MRTFA: variants seen among roughly 807,000 people sequenced by gnomAD.
The protein encoded by MRTFA is myocardin-related transcription factor A.
In MRTFA, 20 loss-of-function variants were observed where a neutral mutation model predicts 83.5. The ratio of observed to expected loss-of-function variants is 0.24; its 90% confidence interval spans 0.17 to 0.35. MRTFA has a LOEUF of 0.35. Ranked by LOEUF, MRTFA falls within the 10% of genes least tolerant of loss-of-function variation. The pLI, the probability that MRTFA is intolerant of heterozygous loss-of-function variation, is 1.00. For missense variants in MRTFA, 1,200 were observed against 1,224.7 expected (o/e 0.98, Z 0.30); for synonymous variants, 659 against 541.2 (o/e 1.22, Z -3.02).
At chr22:40,558,877 C>T (rs2055572241) in intron 2 of MRTFA, among the ~76,000 whole-genome samples, 1 of 151,528 alleles carries the variant, frequency 6.6e-6, no homozygotes, top group Non-Finnish European at 1.5e-5. Flanking sequence ...CCTCTGCCTC[C>T]TAGGTTCAAG....
At chr22:40,447,761 C>G (rs935182788) in intron 4 of MRTFA, among the ~76,000 whole-genome samples, 2 of 152,212 alleles carry the variant, frequency 1.3e-5, no homozygotes, top group African/African-American at 4.8e-5. Flanking sequence ...CTATTTTCCA[C>G]ATTTTACAGT....
intron 3 of MRTFA, among the ~76,000 whole-genome samples, chr22:40,546,705 G>A (rs972819077): frequency 6.6e-6 from 1 of 152,188 alleles, no homozygotes; most frequent in Non-Finnish European, 1.5e-5. Context: ...AAAGATTTCA[G>A]TTAATTTATA....
Position 40,434,619 on chromosome 22 carries a change from G to A in MRTFA, c.363+880C>T, listed in dbSNP as rs146286721. Reference sequence around the variant, plus strand: ...AGCCTGTAGGTCCAGTTACTTGGGAGGCTGAGGCAGGAGAATCGCTTGAAT... The same window carrying A: ...AGCCTGTAGGTCCAGTTACTTGGGAAGCTGAGGCAGGAGAATCGCTTGAAT... On this transcript the variant is annotated intron_variant, in intron 5 of 14. Coordinates refer to ENST00000355630, the MANE Select transcript of MRTFA (RefSeq NM_020831.6). Among the ~76,000 whole-genome samples, 899 of 152,292 alleles carry A rather than the reference G, an allele frequency of 5.9e-3. 9 individuals are homozygous for A. Among genetic ancestry groups the A allele is most frequent in the African/African-American group, 0.021 (862 of 41,552 alleles).
chr22:40,570,833 A>T, intron 2 of MRTFA, among the ~76,000 whole-genome samples: 1 of 151,754 alleles, frequency 6.6e-6, no homozygotes, highest in African/African-American at 2.4e-5. Flanking sequence ...ATAGACTTAT[A>T]TCATTTTTAA....
At chr22:40,535,236 G>C (rs1053783990) in intron 3 of MRTFA, among the ~76,000 whole-genome samples, 4 of 152,006 alleles carry the variant, frequency 2.6e-5, no homozygotes, top group Non-Finnish European at 5.9e-5. Context: ...CTACATGACA[G>C]TCTGGTCAAA....
chr22:40,548,358 C>CAA (rs10664022), intron 3 of MRTFA, among the ~76,000 whole-genome samples: 1,922 of 66,024 alleles, frequency 0.029, 148 homozygotes, highest in Middle Eastern at 0.046. Context: ...GACTCCGTCT[C>CAA]AAAAAAAAAA....
At chr22:40,441,427 G>A (rs1353672630) in intron 4 of MRTFA, among the ~76,000 whole-genome samples, 2 of 152,152 alleles carry the variant, frequency 1.3e-5, no homozygotes, top group Non-Finnish European at 2.9e-5. Flanking sequence ...TAAATTAAAT[G>A]AGGTCATTTG....
chr22:40,556,616 GT>G (rs1364590589), intron 2 of MRTFA, among the ~76,000 whole-genome samples: 4 of 152,130 alleles, frequency 2.6e-5, no homozygotes, highest in African/African-American at 9.7e-5. Flanking sequence ...TTCTTTTAGG[GT>G]TTGAATAATT....
At chr22:40,452,775 C>T (rs551995534) in intron 4 of MRTFA, among the ~76,000 whole-genome samples, 2 of 146,892 alleles carry the variant, frequency 1.4e-5, no homozygotes, top group East Asian at 4.0e-4. Flanking sequence ...CACTGCACTC[C>T]TGCCTGGGCA....
chr22:40,457,780 G>C (rs1206868023), intron 4 of MRTFA, among the ~76,000 whole-genome samples: 2 of 152,132 alleles, frequency 1.3e-5, no homozygotes, highest in African/African-American at 2.4e-5. Flanking sequence ...TTAGAAACAT[G>C]GTACTATATG....
At chr22:40,446,372 TG>T (rs1254654447) in intron 4 of MRTFA, among the ~76,000 whole-genome samples, 1 of 152,224 alleles carries the variant, frequency 6.6e-6, no homozygotes, top group Non-Finnish European at 1.5e-5. Context: ...TTGGAGTGAC[TG>T]GGTGAATGGT....
At chr22:40,493,420 T>G (rs889786940) in intron 3 of MRTFA, among the ~76,000 whole-genome samples, 1 of 152,200 alleles carries the variant, frequency 6.6e-6, no homozygotes, top group African/African-American at 2.4e-5. Flanking sequence ...AGTGTCACAA[T>G]CATCTGCCAT....
intron 4 of MRTFA, among the ~76,000 whole-genome samples, chr22:40,459,187 G>A (rs1038332279): frequency 6.8e-6 from 1 of 148,002 alleles, no homozygotes. Flanking sequence ...AAAAGGAGTC[G>A]GGGGACACAG....
At chr22:40,604,662 G>A (rs972898647) in intron 1 of MRTFA, among the ~76,000 whole-genome samples, 1 of 151,928 alleles carries the variant, frequency 6.6e-6, no homozygotes, top group Non-Finnish European at 1.5e-5. Context: ...CAGGAGAATC[G>A]CTTGAACTCG....
chr22:40,549,438 T>C (rs988462278), intron 3 of MRTFA, among the ~76,000 whole-genome samples: 8 of 152,048 alleles, frequency 5.3e-5, no homozygotes, highest in Non-Finnish European at 8.8e-5. Flanking sequence ...CATAAACAAA[T>C]TTCAAAAACA....
intron 3 of MRTFA, among the ~76,000 whole-genome samples, chr22:40,540,776 CAA>C (rs11398739): frequency 6.8e-4 from 62 of 91,102 alleles, no homozygotes; most frequent in African/African-American, 2.6e-3. Flanking sequence ...GACTCTGTCT[CAA>C]AAAAAAAAAA....
Position 40,416,926 on chromosome 22 carries a change from G to A in MRTFA, c.2578+60C>T. The A allele has an allele frequency of 6.7e-7, 1 of 1,494,362 alleles. No homozygotes were observed. The highest frequency in any genetic ancestry group is 9.1e-7 in the Non-Finnish European group (1 of 1,095,866). 92.6% of individuals were successfully genotyped at this position (1,494,362 alleles called of 1,614,324 possible). On this transcript the variant is annotated intron_variant, in intron 14 of 14. Transcript: ENST00000355630. This position sits in a 1 kb window ranked among gnomAD's most constrained non-coding sequence, Gnocchi z 4.2. ...TTCAATAAAAACAAACCAACCCAGG[G>A]CTAGAGACACCTATGAACAGAGAAG...
At chr22:40,447,308 G>C (rs2053398461) in intron 4 of MRTFA, among the ~76,000 whole-genome samples, 1 of 150,948 alleles carries the variant, frequency 6.6e-6, no homozygotes, top group Admixed American at 6.6e-5. Context: ...AGCTAAGACT[G>C]AGCCACTGCT....
intron 3 of MRTFA, among the ~76,000 whole-genome samples, chr22:40,490,548 G>C (rs1222132288): frequency 6.6e-6 from 1 of 151,420 alleles, no homozygotes; most frequent in Non-Finnish European, 1.5e-5. Context: ...GCAGTGAGCA[G>C]GGATTGCGCC....
Sources: gnomAD v4.1 joint callset for allele counts (sites outside exome capture counted in the v4.1 genomes callset) on GRCh38, gnomAD v4.1.1 for gene constraint, Gnocchi (gnomAD v3.1) non-coding constraint, MANE v1.5 for transcripts, NCBI Gene and HGNC (gene_info 2026-07-23, HGNC 2026-07-21) for gene names.